The following COPS4 variants were observed in gnomAD, a reference collection of about 807,000 sequenced individuals.
The protein encoded by COPS4 is COP9 signalosome complex subunit 4.
A neutral mutation model predicts 55.1 loss-of-function variants in COPS4; 8 were observed. The observed-to-expected ratio is 0.15, with a 90% CI of 0.09 to 0.26. The LOEUF (loss-of-function observed/expected upper bound fraction) is 0.26. Ranked by LOEUF, COPS4 falls within the 10% of genes least tolerant of loss-of-function variation. The pLI, the probability that COPS4 is intolerant of heterozygous loss-of-function variation, is 1.00. For missense variants in COPS4, 248 were observed against 484.0 expected (o/e 0.51, Z 4.58); for synonymous variants, 185 against 165.7 (o/e 1.12, Z -0.90).
At chr4:83,073,078 T>A in intron 9 of COPS4, 1 of 430,362 alleles carries the variant, frequency 2.3e-6, no homozygotes, top group Non-Finnish European at 4.1e-6. Context: ...AGTAAACAAT[T>A]CAATGGCCTG....
chr4:83,051,935 G>A (rs778761249), intron 4 of COPS4, among the ~76,000 whole-genome samples: 1 of 152,182 alleles, frequency 6.6e-6, no homozygotes, highest in African/African-American at 2.4e-5. Context: ...AATGTGGAGG[G>A]TGGTGTCCTA....
chr4:83,050,731 G>A (rs1560437794), intron 4 of COPS4, among the ~76,000 whole-genome samples: 1 of 152,130 alleles, frequency 6.6e-6, no homozygotes, highest in Non-Finnish European at 1.5e-5. Context: ...AGTAGAGTGA[G>A]CAAAGGGGCA....
chr4:83,035,213 G>A lies in COPS4; in HGVS notation c.-12G>A, dbSNP rs1730384589. On this transcript the variant is annotated 5_prime_UTR_variant, in exon 1 of 10. Coordinates refer to ENST00000264389, the MANE Select transcript of COPS4 (RefSeq NM_016129.3). ...CAGAGGCCCCCGCATCCACCGCTGA[G>A]CTGGGAGAAAGATGGCGGCAGCCGT... The A allele has an allele frequency of 3.8e-6, 6 of 1,558,512 alleles. No homozygotes were observed. Among genetic ancestry groups the A allele is most frequent in the African/African-American group, 1.4e-5 (1 of 73,728 alleles).
intron 5 of COPS4, 34 bp downstream of exon 5, chr4:83,057,113 A>G (rs769688325): frequency 1.3e-6 from 2 of 1,581,534 alleles, no homozygotes; most frequent in Non-Finnish European, 1.7e-6. Context: ...TTACTTTTGT[A>G]TTGGAGAATT....
At chr4:83,068,397 G>A in intron 8 of COPS4, 41 bp from the exon 9 acceptor site, 1 of 1,336,196 alleles carries the variant, frequency 7.5e-7, no homozygotes. Context: ...ATAACTAAAA[G>A]ATATGATAAA....
At chr4:83,040,728 T>C (rs1008069882) in intron 1 of COPS4, among the ~76,000 whole-genome samples, 1 of 151,348 alleles carries the variant, frequency 6.6e-6, no homozygotes, top group Non-Finnish European at 1.5e-5. Context: ...AATTACATTT[T>C]TTTTTTCATT....
At chr4:83,049,137 TTCTTA>T (rs751940286) in intron 2 of COPS4, 24 bp from the exon 3 acceptor site, 24 of 1,571,876 alleles carry the variant, frequency 1.5e-5, no homozygotes, top group Non-Finnish European at 1.5e-5. Context: ...AGCTCATGTT[TTCTTA>T]TCTTTTTTTT....
rs201439109 is a variant in COPS4 at position 83,068,467 on chromosome 4, C to T, written c.1032C>T (p.Thr344=). Residue 344 remains threonine, a synonymous_variant, in exon 9 of 10, where the codon ACC becomes ACT. Coordinates refer to ENST00000264389, the MANE Select transcript of COPS4 (RefSeq NM_016129.3). The part of the protein sequence containing the change: ...KAEKIASQMI[T]EGRMNGFIDQ... ...AAAAGATAGCATCTCAAATGATAACCGAAGGACGTATGAATGGATTTATTG... is the reference window on the plus strand; with the variant it reads ...AAAAGATAGCATCTCAAATGATAACTGAAGGACGTATGAATGGATTTATTG... The T allele has an allele frequency of 3.2e-5, 52 of 1,611,010 alleles. No homozygotes were observed. In the East Asian group the frequency reaches 3.8e-4, roughly 12 times the overall value.
chr4:83,056,954 A>T lies in COPS4; in HGVS notation c.439A>T (p.Thr147Ser). The change falls in exon 5 of 10, where the codon ACT becomes TCT. Residue 147 changes from threonine (T) to serine (S), a missense_variant. This residue lies in a region of COPS4 where 155 missense variants were observed against 326.6 expected (regional missense o/e 0.47). Transcript: ENST00000264389. ...GTACAATGTAGATTATAAACTGGAGACTTACTTGAAGATTGCTAGGCTATA... is the reference window on the plus strand; with the variant it reads ...GTACAATGTAGATTATAAACTGGAGTCTTACTTGAAGATTGCTAGGCTATA... ...KQYNVDYKLE[T>S]YLKIARLYLE... is the part of the protein sequence containing the mutation. 6.2e-7 allele frequency: 1 copy of T among 1,613,200 alleles called. No homozygotes were observed. The highest frequency in any genetic ancestry group is 8.5e-7 in the Non-Finnish European group (1 of 1,179,186).
chr4:83,074,338 T>C (rs1286409417), intron 9 of COPS4, among the ~76,000 whole-genome samples: 2 of 152,190 alleles, frequency 1.3e-5, no homozygotes, highest in Non-Finnish European at 2.9e-5. Flanking sequence ...TGTATGTATT[T>C]GTTTTATACC....
At chr4:83,064,266 G>T (rs1731242520) in intron 7 of COPS4, among the ~76,000 whole-genome samples, 2 of 152,076 alleles carry the variant, frequency 1.3e-5, no homozygotes, top group Non-Finnish European at 1.5e-5. Context: ...GAGCCCAGGG[G>T]GTCAAGGCTA....
intron 1 of COPS4, among the ~76,000 whole-genome samples, chr4:83,045,324 C>T (rs918694010): frequency 3.9e-5 from 6 of 152,050 alleles, no homozygotes; most frequent in East Asian, 3.9e-4. Flanking sequence ...AAAAGTGACA[C>T]CTTAGATTCA....
At chr4:83,052,144 A>T (rs1184436827) in intron 4 of COPS4, among the ~76,000 whole-genome samples, 1 of 152,170 alleles carries the variant, frequency 6.6e-6, no homozygotes. Context: ...GAAGATGTGG[A>T]GATAGTGAGT....
chr4:83,047,295 C>T (rs1730740094), intron 2 of COPS4, among the ~76,000 whole-genome samples: 4 of 152,050 alleles, frequency 2.6e-5, no homozygotes, highest in South Asian at 2.1e-4. Flanking sequence ...CAACACTTTG[C>T]GATTACAGGT....
intron 1 of COPS4, among the ~76,000 whole-genome samples, chr4:83,039,218 G>C (rs1489282335): frequency 9.9e-5 from 15 of 152,262 alleles, no homozygotes; most frequent in Non-Finnish European, 2.1e-4. Flanking sequence ...GCCAGGCCAG[G>C]TAGGCAGCTC....
chr4:83,043,178 T>G (rs1347810681), intron 1 of COPS4, among the ~76,000 whole-genome samples: 1 of 152,140 alleles, frequency 6.6e-6, no homozygotes, highest in Non-Finnish European at 1.5e-5. Context: ...TTTTTCTTCC[T>G]ATTCCCAATA....
chr4:83,068,545 G>A (rs753437626), intron 9 of COPS4, 23 bp downstream of exon 9: 1 of 1,434,536 alleles, frequency 7.0e-7, no homozygotes. Context: ...GTGTATTTCT[G>A]TCATAATGAA....
intron 1 of COPS4, among the ~76,000 whole-genome samples, chr4:83,041,308 C>T (rs4693550): frequency 0.99 from 151,060 of 151,936 alleles, 75,099 homozygotes; most frequent in Middle Eastern, 1. Flanking sequence ...GGTGATCCGC[C>T]CACCTCAGCC....
At chr4:83,051,221 A>G (rs1453140393) in intron 4 of COPS4, among the ~76,000 whole-genome samples, 1 of 151,908 alleles carries the variant, frequency 6.6e-6, no homozygotes. Flanking sequence ...CAACATATTG[A>G]GAACACCCCC....
Sources: gnomAD v4.1 joint callset for allele counts (sites outside exome capture counted in the v4.1 genomes callset) on GRCh38, gnomAD v4.1.1 for gene constraint, gnomAD v4.1.1 regional missense constraint, MANE v1.5 for transcripts, NCBI Gene and HGNC (gene_info 2026-07-23, HGNC 2026-07-21) for gene names.